GABBR1: variants seen among roughly 807,000 people sequenced by gnomAD.
GABBR1 encodes GABA-B receptor, R1 subunit.
A neutral mutation model predicts 117.7 loss-of-function variants in GABBR1; 35 were observed. The observed-to-expected ratio is 0.30, with a 90% CI of 0.23 to 0.39. GABBR1 has a LOEUF of 0.39. Ranked by LOEUF, GABBR1 falls within the 10% of genes least tolerant of loss-of-function variation. The pLI, the probability that GABBR1 is intolerant of heterozygous loss-of-function variation, is 1.00. For synonymous variants in GABBR1, 442 were observed against 486.6 expected (o/e 0.91, Z 1.21); for missense variants, 709 against 1,241.8 (o/e 0.57, Z 6.45).
intron 4 of GABBR1, chr6:29,629,813 A>C (rs1319995281): frequency 7.9e-5 from 4 of 50,660 alleles, no homozygotes; most frequent in African/African-American, 3.6e-4. Context: ...ATTACGTGGC[A>C]AAAAAAAAAA....
intron 11 of GABBR1, among the ~76,000 whole-genome samples, chr6:29,617,364 C>T (rs570271448): frequency 9.5e-4 from 130 of 136,650 alleles, no homozygotes; most frequent in African/African-American, 3.3e-3. Flanking sequence ...TGCAGTAGTG[C>T]GATCTTGGCT....
Position 29,604,655 on chromosome 6 carries a change from G to C in GABBR1, c.2569-18C>G. On this transcript the variant is annotated intron_variant, in intron 21 of 22. Transcript: ENST00000377034. The surrounding 1 kb of genome is among the most constrained non-coding windows in gnomAD (Gnocchi z 5.3). Reference sequence around the variant, plus strand: ...CTGCGCATCTGGGGGCAAATGTTTGGGCGTGGGGTGGCCCAGCAAGGACTG... The same window carrying C: ...CTGCGCATCTGGGGGCAAATGTTTGCGCGTGGGGTGGCCCAGCAAGGACTG... 1 of 1,613,154 alleles carries C rather than the reference G, an allele frequency of 6.2e-7. No individual in the cohort carries two copies. The highest frequency in any genetic ancestry group is 8.5e-7 in the Non-Finnish European group (1 of 1,180,030).
intron 11 of GABBR1, among the ~76,000 whole-genome samples, chr6:29,615,248 C>T (rs1310221785): frequency 6.7e-6 from 1 of 149,886 alleles, no homozygotes; most frequent in Non-Finnish European, 1.5e-5. Flanking sequence ...GCTGAGATGA[C>T]GCCACTACAC....
intron 4 of GABBR1, chr6:29,629,350 G>A: frequency 1.5e-6 from 1 of 664,496 alleles, no homozygotes. Flanking sequence ...AATGCCAATA[G>A]CTAAGTTTGG....
At chr6:29,628,623 G>C (rs1360890975) in intron 5 of GABBR1, among the ~76,000 whole-genome samples, 1 of 150,036 alleles carries the variant, frequency 6.7e-6, no homozygotes, top group Non-Finnish European at 1.5e-5. Flanking sequence ...GGAAGGAAAA[G>C]ATGTGGGGAA....
At chr6:29,615,394 T>C (rs1762967766) in intron 11 of GABBR1, among the ~76,000 whole-genome samples, 1 of 151,972 alleles carries the variant, frequency 6.6e-6, no homozygotes, top group South Asian at 2.1e-4. Context: ...GTGGATCACC[T>C]GAGGTCAGGA....
In GABBR1 at chr6:29,606,513, A is replaced by G. The variant is rs1404606949; in HGVS notation, c.2218-29T>C. The G allele has an allele frequency of 6.6e-7, 1 of 1,505,974 alleles. No homozygotes were observed. Among genetic ancestry groups the G allele is most frequent in the African/African-American group, 1.4e-5 (1 of 72,802 alleles). The allele number at this position is 1,505,974 out of a possible 1,614,324, so 93.3% of individuals were successfully genotyped here. ...GGGCAGAAACAAGGTCACAAGAAAG[A>G]TGGTTGCCAGCCTCCCCTCCTCTCC... On this transcript the variant is annotated intron_variant, in intron 18 of 22. Coordinates refer to ENST00000377034, the MANE Select transcript of GABBR1 (RefSeq NM_001470.4). The surrounding 1 kb of genome is among the most constrained non-coding windows in gnomAD (Gnocchi z 4.5).
intron 12 of GABBR1, among the ~76,000 whole-genome samples, 199 bp from the exon 13 acceptor site, chr6:29,612,813 A>C (rs369252072): frequency 1.3e-5 from 2 of 152,336 alleles, no homozygotes; most frequent in Admixed American, 6.5e-5. Context: ...TTGGAGAAGG[A>C]GCTTCACTTA....
intron 11 of GABBR1, among the ~76,000 whole-genome samples, chr6:29,618,201 C>CA (rs1763372668): frequency 1.3e-5 from 2 of 152,062 alleles, no homozygotes; most frequent in Non-Finnish European, 1.5e-5. Context: ...AATATGGCAT[C>CA]AAAAAAATCA....
chr6:29,606,356 G>GCATCCCTGCCCTCCTTTGCC lies in GABBR1; in HGVS notation c.2311+15_2311+34dup. 6.7e-7 allele frequency: 1 copy of GCATCCCTGCCCTCCTTTGCC among 1,483,316 alleles called. No homozygotes were observed. The highest frequency in any genetic ancestry group is 9.4e-7 in the Non-Finnish European group (1 of 1,061,808). The allele number at this position is 1,483,316 out of a possible 1,614,324, so 91.9% of individuals were successfully genotyped here. On this transcript the variant is annotated intron_variant, in intron 19 of 22. Coordinates refer to ENST00000377034, the MANE Select transcript of GABBR1 (RefSeq NM_001470.4). This position sits in a 1 kb window ranked among gnomAD's most constrained non-coding sequence, Gnocchi z 4.5. The stretch of plus-strand genomic sequence containing the variant: ...CCCCTGCCTTCCCTCCTGCCTTTGT[G>GCATCCCTGCCCTCCTTTGCC]CATCCCTGCCCTCCTTTGCCCACAT...
intron 11 of GABBR1, among the ~76,000 whole-genome samples, chr6:29,614,886 G>A (rs1292496111): frequency 2.7e-5 from 4 of 150,820 alleles, no homozygotes; most frequent in African/African-American, 2.4e-5. Flanking sequence ...CCACTCTGGC[G>A]GAGGATGTCG....
chr6:29,620,150 T>C lies in GABBR1; in HGVS notation c.1323+951A>G, dbSNP rs890220345. On this transcript the variant is annotated intron_variant, in intron 11 of 22. Coordinates refer to ENST00000377034, the MANE Select transcript of GABBR1 (RefSeq NM_001470.4). The surrounding 1 kb of genome is among the most constrained non-coding windows in gnomAD (Gnocchi z 4.5). Reference sequence around the variant, plus strand: ...TGGACTGCTGAGTAGCTGCATGACCTGAGACAAGTCATTAAACCACTCTGA... The same window carrying C: ...TGGACTGCTGAGTAGCTGCATGACCCGAGACAAGTCATTAAACCACTCTGA... Among the ~76,000 whole-genome samples, 1 of 152,222 alleles carries C rather than the reference T, an allele frequency of 6.6e-6. No individual in the cohort carries two copies. The highest frequency in any genetic ancestry group is 2.4e-5 in the African/African-American group (1 of 41,464).
chr6:29,619,466 C>T (rs1287501612), intron 11 of GABBR1, among the ~76,000 whole-genome samples: 1 of 152,226 alleles, frequency 6.6e-6, no homozygotes, highest in Non-Finnish European at 1.5e-5. Context: ...TCCAAGTCTT[C>T]CCACCCCAAT....
intron 15 of GABBR1, 142 bp from the exon 16 acceptor site, chr6:29,608,875 T>C: frequency 1.0e-6 from 1 of 957,896 alleles, no homozygotes; most frequent in Non-Finnish European, 1.5e-6. Context: ...GAGAAGACAG[T>C]GGAGCCTTGA....
In GABBR1 at chr6:29,623,150, C is replaced by T. The variant is rs1024436856; in HGVS notation, c.963+155G>A. Among the ~76,000 whole-genome samples, 7 of 152,314 alleles carry T rather than the reference C, an allele frequency of 4.6e-5. No individual in the cohort carries two copies. The South Asian group carries it at 6.2e-4, about 14-fold the overall frequency. ...CCAAAAACTCAACTCATTCTTTCCC[C>T]TGGCTACAGAAAGAACTGCACTTAA... On this transcript the variant is annotated intron_variant, in intron 8 of 22. Coordinates refer to ENST00000377034, the MANE Select transcript of GABBR1 (RefSeq NM_001470.4). This position sits in a 1 kb window ranked among gnomAD's most constrained non-coding sequence, Gnocchi z 6.2.
At position 29,630,767 on chromosome 6, in the gene GABBR1, G is replaced by A. The variant is rs185246654; in HGVS notation, c.290-124C>T. The A allele has an allele frequency of 1.3e-3, 944 of 734,798 alleles. 4 individuals carry two copies. Among genetic ancestry groups the A allele is most frequent in the Non-Finnish European group, 1.4e-3 (629 of 457,208 alleles). The allele number at this position is 734,798 out of a possible 1,614,324, so 45.5% of individuals were successfully genotyped here. A position where few individuals can be genotyped will look rare whatever the true frequency, so the allele number is the denominator to read the frequency against. On this transcript the variant is annotated intron_variant, in intron 3 of 22. Coordinates refer to ENST00000377034, the MANE Select transcript of GABBR1 (RefSeq NM_001470.4). This position sits in a 1 kb window ranked among gnomAD's most constrained non-coding sequence, Gnocchi z 4.9. ...TCCTGCTCTAAAGAAAATCACATGTGAAAAGGATTTGCCTACCTATCTTCC... is the reference window on the plus strand; with the variant it reads ...TCCTGCTCTAAAGAAAATCACATGTAAAAAGGATTTGCCTACCTATCTTCC...
intron 6 of GABBR1, among the ~76,000 whole-genome samples, chr6:29,626,735 A>ATTCTT (rs41283822): frequency 0.07 from 10,571 of 151,718 alleles, 445 homozygotes; most frequent in South Asian, 0.15. Context: ...CCCCACTGCC[A>ATTCTT]TTCTTTTCTG....
chr6:29,623,096 A>G lies in GABBR1; in HGVS notation c.963+209T>C, dbSNP rs1332072901. On this transcript the variant is annotated intron_variant, in intron 8 of 22. Coordinates refer to ENST00000377034, the MANE Select transcript of GABBR1 (RefSeq NM_001470.4). The surrounding 1 kb of genome is among the most constrained non-coding windows in gnomAD (Gnocchi z 6.2). ...ACAGGGCATCAAACAGGGGAAAAAA[A>G]TCATAAAATCATAAAGACAGAGAGG... is the stretch of plus-strand genomic sequence containing the variant. Among the ~76,000 whole-genome samples the G allele has an allele frequency of 6.6e-6, 1 of 152,154 alleles. No homozygotes were observed. The highest frequency in any genetic ancestry group is 1.5e-5 in the Non-Finnish European group (1 of 68,034).
intron 13 of GABBR1, among the ~76,000 whole-genome samples, chr6:29,612,173 T>C (rs1476896636): frequency 1.3e-5 from 2 of 151,496 alleles, no homozygotes; most frequent in African/African-American, 4.8e-5. Flanking sequence ...AGCTAATTTT[T>C]TTTTTTTTTT....
Sources: allele counts gnomAD v4.1 joint callset (sites outside exome capture counted in the v4.1 genomes callset), GRCh38; gene constraint gnomAD v4.1.1; non-coding constraint Gnocchi (gnomAD v3.1); transcripts MANE v1.5; gene names NCBI Gene and HGNC (gene_info 2026-07-23, HGNC 2026-07-21).